FRK: variants seen among roughly 807,000 people sequenced by gnomAD.
FRK encodes the protein tyrosine-protein kinase FRK.
In FRK, 51 loss-of-function variants were observed where a neutral mutation model predicts 56.4. That is an observed-to-expected ratio of 0.90 (90% CI 0.72 to 1.14). The LOEUF (loss-of-function observed/expected upper bound fraction) is 1.14, where lower values mean the gene tolerates loss of function less well. Ranked by LOEUF, FRK falls within the 50% of genes most tolerant of loss-of-function variation. The probability of loss-of-function intolerance (pLI) is 0.00; values close to 1 mark genes in which losing one functional copy is unlikely to be tolerated. For missense variants in FRK, 570 were observed against 601.4 expected (o/e 0.95, Z 0.55); for synonymous variants, 245 against 217.9 (o/e 1.12, Z -1.10).
chr6:116,036,064 T>C (rs185101946), intron 1 of FRK, among the ~76,000 whole-genome samples: 7 of 152,224 alleles, frequency 4.6e-5, no homozygotes, highest in African/African-American at 1.7e-4. Flanking sequence ...AGGAAAAATG[T>C]CTGGACAGAA....
At chr6:116,073,708 T>G in the FRK span, among the ~76,000 whole-genome samples, 1 of 152,186 alleles carries the variant, frequency 6.6e-6, no homozygotes, top group Non-Finnish European at 1.5e-5. Flanking sequence ...AAACTATTTT[T>G]CAGTTCATGC....
chr6:115,951,066 G>A (rs1413395401), intron 5 of FRK, among the ~76,000 whole-genome samples: 1 of 152,146 alleles, frequency 6.6e-6, no homozygotes, highest in Non-Finnish European at 1.5e-5. Flanking sequence ...AATACCTAAT[G>A]TAGATGACAG....
At chr6:115,965,168 T>C (rs1295319390) in intron 4 of FRK, among the ~76,000 whole-genome samples, 2 of 142,156 alleles carry the variant, frequency 1.4e-5, no homozygotes, top group Non-Finnish European at 3.0e-5. Flanking sequence ...AGGGCTAATA[T>C]CCAGAATCTA....
the FRK span, among the ~76,000 whole-genome samples, chr6:116,086,406 T>C: frequency 6.6e-6 from 1 of 152,210 alleles, no homozygotes; most frequent in Non-Finnish European, 1.5e-5. Flanking sequence ...TGATGTACTA[T>C]TTAAAAAGTA....
chr6:116,086,595 A>T, the FRK span, among the ~76,000 whole-genome samples: 5 of 152,216 alleles, frequency 3.3e-5, no homozygotes, highest in Non-Finnish European at 7.3e-5. Flanking sequence ...CGAAAAATTA[A>T]TGGTTGTCAG....
the FRK span, among the ~76,000 whole-genome samples, chr6:116,068,604 G>A: frequency 6.6e-6 from 1 of 152,134 alleles, no homozygotes; most frequent in Non-Finnish European, 1.5e-5. Flanking sequence ...AACTGTAGCA[G>A]TTTTCCTGAC....
At chr6:116,032,097 A>G (rs1776321498) in intron 1 of FRK, among the ~76,000 whole-genome samples, 1 of 152,102 alleles carries the variant, frequency 6.6e-6, no homozygotes, top group African/African-American at 2.4e-5. Context: ...TAAGGCCTAC[A>G]GGGTCAGGAA....
chr6:115,992,806 G>A lies in FRK; in HGVS notation c.466+11071C>T, dbSNP rs75080462. Among the ~76,000 whole-genome samples the A allele has an allele frequency of 2.1e-3, 318 of 151,836 alleles. 2 individuals carry two copies. The highest frequency in any genetic ancestry group is 0.01 in the East Asian group (54 of 5,178). On this transcript the variant is annotated intron_variant, in intron 2 of 7. Transcript: ENST00000606080. ...ATGGCTTTTAGCAAGGCTATGAAGG[G>A]CTTAAATGTCAAGGTAAATAGGAAT...
chr6:115,973,401 C>A (rs1052211511), intron 2 of FRK, among the ~76,000 whole-genome samples: 28 of 151,994 alleles, frequency 1.8e-4, no homozygotes, highest in African/African-American at 6.5e-4. Context: ...CACACTGGGG[C>A]CTGTTGGGGG....
intron 1 of FRK, among the ~76,000 whole-genome samples, chr6:116,044,127 C>T (rs185219957): frequency 1.0e-3 from 157 of 152,232 alleles, no homozygotes; most frequent in African/African-American, 3.5e-3. Context: ...CAGGACCAGA[C>T]GGATTCACAG....
At chr6:116,059,435 G>C (rs1034753052) in intron 1 of FRK, among the ~76,000 whole-genome samples, 2 of 152,086 alleles carry the variant, frequency 1.3e-5, no homozygotes, top group Non-Finnish European at 2.9e-5. Flanking sequence ...TGATGTCACT[G>C]AGAACATTAG....
At chr6:116,076,444 T>C in the FRK span, among the ~76,000 whole-genome samples, 1 of 152,242 alleles carries the variant, frequency 6.6e-6, no homozygotes, top group South Asian at 2.1e-4. Context: ...TTAAAAATGA[T>C]TTCACCATTA....
At chr6:116,048,434 G>A (rs1302658468) in intron 1 of FRK, among the ~76,000 whole-genome samples, 3 of 152,194 alleles carry the variant, frequency 2.0e-5, no homozygotes, top group Non-Finnish European at 4.4e-5. Context: ...CACCTAGGCT[G>A]TAGTGCAGTG....
intron 2 of FRK, among the ~76,000 whole-genome samples, chr6:115,986,109 C>T (rs1360218960): frequency 2.0e-5 from 3 of 151,722 alleles, no homozygotes; most frequent in East Asian, 2.0e-4. Context: ...TAGCCTTTGC[C>T]ATGACTCTCA....
chr6:115,991,463 C>G (rs187062125), intron 2 of FRK, among the ~76,000 whole-genome samples: 1 of 151,330 alleles, frequency 6.6e-6, no homozygotes, highest in Non-Finnish European at 1.5e-5. Flanking sequence ...ATAGTTTGTT[C>G]AGTTTTTATT....
rs1027710133 is a variant in FRK, at chr6:115,950,656, A to T, written c.958+5796T>A. 9.8e-5 allele frequency among the ~76,000 whole-genome samples: 15 copies of T among 152,322 alleles called. No individual in the cohort carries two copies. In the East Asian group the frequency reaches 2.5e-3, roughly 25 times the overall value. On this transcript the variant is annotated intron_variant, in intron 5 of 7. Transcript: ENST00000606080. ...CTAGAAAATACCATTTGACCCAGCA[A>T]TCCCATTGCTGGGTATATACCCAAA... is the stretch of plus-strand genomic sequence containing the variant.
chr6:116,054,101 T>C (rs1198121341), intron 1 of FRK, among the ~76,000 whole-genome samples: 1 of 151,806 alleles, frequency 6.6e-6, no homozygotes, highest in Non-Finnish European at 1.5e-5. Flanking sequence ...ATTTATTATA[T>C]AACAAATTGA....
upstream of FRK, among the ~76,000 whole-genome samples, chr6:116,063,075 A>G (rs1777678204): frequency 6.6e-6 from 1 of 152,162 alleles, no homozygotes; most frequent in African/African-American, 2.4e-5. Flanking sequence ...TTTTTATAAT[A>G]GTAACAATGA....
intron 2 of FRK, among the ~76,000 whole-genome samples, chr6:115,984,755 A>G (rs1007841836): frequency 1.9e-5 from 1 of 54,014 alleles, no homozygotes; most frequent in Non-Finnish European, 4.3e-5. Context: ...AGGGGAGATT[A>G]AAAAAAAAAA....
Sources: allele counts gnomAD v4.1 joint callset (sites outside exome capture counted in the v4.1 genomes callset), GRCh38; gene constraint gnomAD v4.1.1; transcripts MANE v1.5; gene names NCBI Gene and HGNC (gene_info 2026-07-23, HGNC 2026-07-21).